The following TTBK2 variants were observed in gnomAD, a reference collection of about 807,000 sequenced individuals.
The protein encoded by TTBK2 is tau-tubulin kinase 2.
Under a neutral mutation model 110.8 loss-of-function variants are expected in TTBK2, and 28 were observed. The observed-to-expected ratio is 0.25, with a 90% CI of 0.19 to 0.35. The LOEUF is 0.35. TTBK2 is among the 10% of genes least tolerant of loss of function. The pLI is 1.00. For missense variants in TTBK2, 1,369 were observed against 1,500.3 expected (o/e 0.91, Z 1.45); for synonymous variants, 532 against 527.3 (o/e 1.01, Z -0.12).
chr15:42,905,615 A>G (rs2030344801), intron 1 of TTBK2, among the ~76,000 whole-genome samples: 1 of 152,158 alleles, frequency 6.6e-6, no homozygotes, highest in African/African-American at 2.4e-5. Flanking sequence ...ACCAAACAAG[A>G]CTTAATGAAA....
At chr15:42,813,234 C>CAAAT (rs1168851853) in intron 7 of TTBK2, among the ~76,000 whole-genome samples, 13 of 152,104 alleles carry the variant, frequency 8.5e-5, no homozygotes, top group Non-Finnish European at 1.3e-4. Context: ...ATAAAAAGGA[C>CAAAT]AAATTGGCTA....
chr15:42,777,014 A>T lies in TTBK2; in HGVS notation c.1409+17T>A. ...GTACCTTAGAAGCTTTAAAAAGAAA[A>T]ATACACTATTTTATACCAGGTCTCA... On this transcript the variant is annotated intron_variant, in intron 12 of 14. Transcript: ENST00000267890. The T allele has an allele frequency of 6.2e-7, 1 of 1,612,496 alleles. No homozygotes were observed. Among genetic ancestry groups the T allele is most frequent in the Non-Finnish European group, 8.5e-7 (1 of 1,178,626 alleles).
chr15:42,850,252 G>A (rs931493862), intron 3 of TTBK2, among the ~76,000 whole-genome samples: 1 of 152,154 alleles, frequency 6.6e-6, no homozygotes, highest in Non-Finnish European at 1.5e-5. Context: ...TGGGCATTAG[G>A]AGACCCCTTT....
chr15:42,764,417 T>C (rs1211674681), intron 13 of TTBK2, among the ~76,000 whole-genome samples: 1 of 152,204 alleles, frequency 6.6e-6, no homozygotes, highest in African/African-American at 2.4e-5. Context: ...ACTGTGCTTT[T>C]CCAAAGGTCT....
chr15:42,901,878 A>G (rs1323926543), intron 1 of TTBK2, among the ~76,000 whole-genome samples: 1 of 152,188 alleles, frequency 6.6e-6, no homozygotes, highest in African/African-American at 2.4e-5. Flanking sequence ...AAACATGAAA[A>G]GATAGCCCCA....
chr15:42,801,091 T>A, intron 9 of TTBK2: 1 of 805,970 alleles, frequency 1.2e-6, no homozygotes, highest in Non-Finnish European at 2.2e-6. Flanking sequence ...GAGCCAAAGC[T>A]GGAGCCCAGG....
chr15:42,862,585 T>A (rs558531654), intron 3 of TTBK2, among the ~76,000 whole-genome samples: 2 of 152,022 alleles, frequency 1.3e-5, no homozygotes, highest in Admixed American at 1.3e-4. Context: ...AAAGAACATA[T>A]CTCAAAATAA....
chr15:42,804,175 T>C lies in TTBK2; in HGVS notation c.822+6439A>G, dbSNP rs1057068538. 3.3e-5 allele frequency among the ~76,000 whole-genome samples: 5 copies of C among 152,104 alleles called. No homozygotes were observed. In the East Asian group the frequency reaches 9.6e-4, roughly 29 times the overall value. The stretch of plus-strand genomic sequence containing the variant: ...AAATATTAACAATGGCCAGTTGCCA[T>C]GGCTCACACCTGTGATCCCGGCACT... On this transcript the variant is annotated intron_variant, in intron 9 of 14. Transcript: ENST00000267890.
At chr15:42,769,613 G>A (rs1203339441) in intron 13 of TTBK2, among the ~76,000 whole-genome samples, 12 of 149,170 alleles carry the variant, frequency 8.0e-5, no homozygotes, top group South Asian at 2.1e-4. Flanking sequence ...GAAACAACAG[G>A]TGCTGGAGAG....
intron 1 of TTBK2, chr15:42,919,959 C>G (rs1368106572): frequency 3.6e-6 from 1 of 280,026 alleles, no homozygotes; most frequent in East Asian, 1.8e-4. Context: ...CTTCAGCACC[C>G]TAAGTACAAG....
intron 13 of TTBK2, among the ~76,000 whole-genome samples, chr15:42,762,946 G>A (rs2062051812): frequency 6.7e-6 from 1 of 150,024 alleles, no homozygotes; most frequent in Non-Finnish European, 1.5e-5. Flanking sequence ...AAGTAGAAGA[G>A]AGGTTATTAG....
At position 42,833,082 on chromosome 15, in the gene TTBK2, A is replaced by ACT. The variant is rs1397983301; in HGVS notation, c.292-3005_292-3004insAG. The stretch of plus-strand genomic sequence containing the variant: ...ATTGAAGGAGGGAGAGGAGCAGAAA[A>ACT]GATAACTAGTGGGTACTGAGCTTAA... On this transcript the variant is annotated intron_variant, in intron 4 of 14. Coordinates refer to ENST00000267890, the MANE Select transcript of TTBK2 (RefSeq NM_173500.4). Among the ~76,000 whole-genome samples, 9 of 152,206 alleles carry ACT rather than the reference A, an allele frequency of 5.9e-5. No individual in the cohort carries two copies. In the East Asian group the frequency reaches 1.7e-3, roughly 29 times the overall value.
intron 1 of TTBK2, among the ~76,000 whole-genome samples, chr15:42,888,536 A>C (rs1416978792): frequency 3.9e-5 from 6 of 152,072 alleles, no homozygotes; most frequent in African/African-American, 1.4e-4. Context: ...CATATCTATC[A>C]TTGAGGCTAC....
chr15:42,758,075 T>G (rs2061971853), intron 13 of TTBK2, among the ~76,000 whole-genome samples: 1 of 152,206 alleles, frequency 6.6e-6, no homozygotes, highest in African/African-American at 2.4e-5. Context: ...ATCCTTTTAC[T>G]TTTCTCTCAT....
intron 9 of TTBK2, 129 bp downstream of exon 9, chr15:42,810,485 G>T: frequency 8.8e-7 from 1 of 1,131,356 alleles, no homozygotes; most frequent in Non-Finnish European, 1.3e-6. Flanking sequence ...ATGTTTCTCA[G>T]GATGTATTAA....
rs1595867982 is a variant in TTBK2 at position 42,739,544 on chromosome 15, G to A, written c.*6251C>T. ...GGTCAGAAGGTAGACCAGGAACTATGTATCAAGGAGAAGTAAGTGAGGCTC... is the reference window on the plus strand; with the variant it reads ...GGTCAGAAGGTAGACCAGGAACTATATATCAAGGAGAAGTAAGTGAGGCTC... On this transcript the variant is annotated 3_prime_UTR_variant, in exon 15 of 15. Coordinates refer to ENST00000267890, the MANE Select transcript of TTBK2 (RefSeq NM_173500.4). The A allele has an allele frequency of 6.6e-6, 1 of 152,226 alleles. No homozygotes were observed. The highest frequency in any genetic ancestry group is 2.4e-5 in the African/African-American group (1 of 41,444). 9.4% of individuals were successfully genotyped at this position (152,226 alleles called of 1,614,324 possible).
Position 42,863,074 on chromosome 15 carries a change from G to T in TTBK2, c.217+9537C>A, listed in dbSNP as rs369944951. ...TTGGAAATCCCAGCAAGAGGAATCA[G>T]GCAACAGAAAGAAATAAAAAGCATC... On this transcript the variant is annotated intron_variant, in intron 3 of 14. Coordinates refer to ENST00000267890, the MANE Select transcript of TTBK2 (RefSeq NM_173500.4). 2.6e-5 allele frequency among the ~76,000 whole-genome samples: 4 copies of T among 152,080 alleles called. No individual in the cohort carries two copies. The East Asian group carries it at 7.7e-4, about 29-fold the overall frequency.
At chr15:42,770,088 A>T (rs1889597770) in intron 13 of TTBK2, among the ~76,000 whole-genome samples, 2 of 123,036 alleles carry the variant, frequency 1.6e-5, no homozygotes, top group Admixed American at 8.1e-5. Context: ...AACATCACAC[A>T]CCAGGGCCTG....
chr15:42,754,639 C>G (rs1276288906), intron 13 of TTBK2, among the ~76,000 whole-genome samples: 1 of 147,556 alleles, frequency 6.8e-6, no homozygotes, highest in South Asian at 2.3e-4. Context: ...TTAGGTGATC[C>G]ACCCACCTCG....
Sources: gnomAD v4.1 joint callset for allele counts (sites outside exome capture counted in the v4.1 genomes callset) on GRCh38, gnomAD v4.1.1 for gene constraint, MANE v1.5 for transcripts, NCBI Gene and HGNC (gene_info 2026-07-23, HGNC 2026-07-21) for gene names.